Variants in TEKT5 observed in about 807,000 individuals in gnomAD.
TEKT5 encodes the protein tektin 5, also known as tektin-5.
Under a neutral mutation model 48.7 loss-of-function variants are expected in TEKT5, and 52 were observed. The observed-to-expected ratio is 1.07, with a 90% CI of 0.86 to 1.35. The LOEUF is 1.35. TEKT5 is among the 40% of genes most tolerant of loss of function. The probability of loss-of-function intolerance (pLI) is 0.00; values close to 1 mark genes in which losing one functional copy is unlikely to be tolerated. For missense variants in TEKT5, 831 were observed against 641.6 expected (o/e 1.30, Z -3.19); for synonymous variants, 318 against 267.6 (o/e 1.19, Z -1.84).
chr16:10,653,120 C>T (rs575943035), intron 5 of TEKT5, among the ~76,000 whole-genome samples: 1 of 152,308 alleles, frequency 6.6e-6, no homozygotes, highest in East Asian at 1.9e-4. Flanking sequence ...GGAAAAGAGG[C>T]TTCTGGGGCA....
At chr16:10,642,645 T>G (rs1898012227) in intron 5 of TEKT5, among the ~76,000 whole-genome samples, 2 of 152,184 alleles carry the variant, frequency 1.3e-5, no homozygotes, top group Admixed American at 1.3e-4. Context: ...TTCTTTTACT[T>G]AGCCTATTGT....
At chr16:10,677,236 G>T (rs1021402102) in intron 4 of TEKT5, among the ~76,000 whole-genome samples, 1 of 95,884 alleles carries the variant, frequency 1.0e-5, no homozygotes, top group African/African-American at 7.4e-5. Flanking sequence ...AAATGGAGTG[G>T]TGTCATTATG....
chr16:10,684,978 AG>A (rs1283107672), intron 3 of TEKT5, among the ~76,000 whole-genome samples: 4 of 152,182 alleles, frequency 2.6e-5, no homozygotes, highest in Non-Finnish European at 5.9e-5. Context: ...AGCTTCCCCA[AG>A]GGGGTGAGGA....
Position 10,676,139 on chromosome 16 carries a change from G to C in TEKT5, c.906C>G (p.Asn302Lys), listed in dbSNP as rs765488113. The C allele has an allele frequency of 1.9e-6, 3 of 1,614,240 alleles. No individual in the cohort carries two copies. The South Asian group carries it at 3.3e-5, about 18-fold the overall frequency. Residue 302 changes from asparagine to lysine, a missense_variant, in exon 5 of 7, where the codon AAC (asparagine) becomes AAG (lysine). Physicochemically the swap from Asn to Lys is moderately conservative, Grantham distance 94. Coordinates refer to ENST00000283025, the MANE Select transcript of TEKT5 (RefSeq NM_144674.2). ...CCCGCATGTTCTGAGAGTGTTTGAT[G>C]TTGTCGTTACTGAACTTGGCCCAGG... is the stretch of plus-strand genomic sequence containing the variant. ...PETWAKFSNDNIKHSQNMRAN... is the reference protein window; with the variant it reads ...PETWAKFSNDKIKHSQNMRAN...
chr16:10,669,969 C>T (rs1352209259), intron 5 of TEKT5, among the ~76,000 whole-genome samples: 7 of 152,228 alleles, frequency 4.6e-5, no homozygotes, highest in Middle Eastern at 6.8e-3. Context: ...GATGAGGCCC[C>T]GGGGCAAGCT....
At chr16:10,636,690 C>CGTGTGTGTGTGTGTGTGTGT (rs34623422) in intron 5 of TEKT5, among the ~76,000 whole-genome samples, 1 of 145,182 alleles carries the variant, frequency 6.9e-6, no homozygotes, top group Non-Finnish European at 1.5e-5. Flanking sequence ...TACATACATA[C>CGTGTGTGTGTGTGTGTGTGT]GTGTGTGTGT....
chr16:10,628,874 C>G (rs1019887958), intron 6 of TEKT5, among the ~76,000 whole-genome samples: 15 of 146,372 alleles, frequency 1.0e-4, no homozygotes, highest in African/African-American at 3.8e-4. Context: ...TCATTGCACT[C>G]CAGCCTGGGA....
chr16:10,658,672 AC>A (rs1898305575), intron 5 of TEKT5, among the ~76,000 whole-genome samples: 1 of 151,966 alleles, frequency 6.6e-6, no homozygotes, highest in African/African-American at 2.4e-5. Flanking sequence ...GGGTTTCCCA[AC>A]CTCATCACCT....
At chr16:10,665,583 G>C (rs1022447196) in intron 5 of TEKT5, among the ~76,000 whole-genome samples, 2 of 152,106 alleles carry the variant, frequency 1.3e-5, no homozygotes, top group African/African-American at 4.8e-5. Context: ...GATTCCAGCA[G>C]CTCCTCTCCC....
intron 5 of TEKT5, among the ~76,000 whole-genome samples, chr16:10,654,700 G>A (rs1421776463): frequency 6.6e-6 from 1 of 152,050 alleles, no homozygotes; most frequent in Non-Finnish European, 1.5e-5. Context: ...TAGACCTTAG[G>A]ACTGGAACTC....
At chr16:10,669,073 T>C (rs911913511) in intron 5 of TEKT5, among the ~76,000 whole-genome samples, 1 of 152,224 alleles carries the variant, frequency 6.6e-6, no homozygotes, top group Non-Finnish European at 1.5e-5. Flanking sequence ...TTTTACCAAA[T>C]ATTTTTTGAA....
At chr16:10,679,130 A>C (rs1445697329) in intron 4 of TEKT5, among the ~76,000 whole-genome samples, 1 of 152,192 alleles carries the variant, frequency 6.6e-6, no homozygotes, top group Non-Finnish European at 1.5e-5. Context: ...CTGAGTGTTT[A>C]AATGTGAAGT....
rs374823602 is a variant in TEKT5, at chr16:10,682,015, C to A, written c.841G>T (p.Gly281Cys). The A allele has an allele frequency of 2.5e-5, 40 of 1,614,028 alleles. No homozygotes were observed. In the South Asian group the frequency reaches 4.2e-4, roughly 17 times the overall value. ...NTSDCISFFH[G>C]MEKIDGTISV... ...TACGTGCCGTCAATTTTCTCCATGC[C>A]GTGGAAGAAGCTGATGCAGTCTGAC... The change falls in exon 4 of 7, where the codon GGC (glycine) becomes TGC (cysteine). Residue 281 changes from glycine (G) to cysteine (C), a missense_variant. Coordinates refer to ENST00000283025, the MANE Select transcript of TEKT5 (RefSeq NM_144674.2).
intron 5 of TEKT5, among the ~76,000 whole-genome samples, chr16:10,662,919 T>C (rs1395567353): frequency 6.6e-6 from 1 of 152,200 alleles, no homozygotes; most frequent in Non-Finnish European, 1.5e-5. Context: ...TAATATGTCT[T>C]TGTTACAGTA....
chr16:10,662,551 C>G (rs1208183116), intron 5 of TEKT5, among the ~76,000 whole-genome samples: 1 of 152,256 alleles, frequency 6.6e-6, no homozygotes, highest in Non-Finnish European at 1.5e-5. Context: ...TATAAAACTT[C>G]CTTCCAGCTC....
At chr16:10,668,669 A>G (rs1027210113) in intron 5 of TEKT5, among the ~76,000 whole-genome samples, 1 of 152,150 alleles carries the variant, frequency 6.6e-6, no homozygotes, top group Non-Finnish European at 1.5e-5. Flanking sequence ...TGATGCTAAC[A>G]ATGGCTGCTT....
At position 10,678,621 on chromosome 16, in the gene TEKT5, G is replaced by A. The variant is rs28420661; in HGVS notation, c.864-2440C>T. ...AGAGTGAAGCATCTTGTTCAAGGCCGCACAACAACGTCCCATCCCAGGACA... is the reference window on the plus strand; with the variant it reads ...AGAGTGAAGCATCTTGTTCAAGGCCACACAACAACGTCCCATCCCAGGACA... On this transcript the variant is annotated intron_variant, in intron 4 of 6. Coordinates refer to ENST00000283025, the MANE Select transcript of TEKT5 (RefSeq NM_144674.2). Among the ~76,000 whole-genome samples, 888 of 152,220 alleles carry A rather than the reference G, an allele frequency of 5.8e-3. 11 individuals carry two copies. Among genetic ancestry groups the A allele is most frequent in the African/African-American group, 0.021 (856 of 41,526 alleles).
intron 5 of TEKT5, among the ~76,000 whole-genome samples, chr16:10,664,492 C>G (rs1310387486): frequency 6.6e-6 from 1 of 152,214 alleles, no homozygotes; most frequent in Non-Finnish European, 1.5e-5. Flanking sequence ...AACCACTGGT[C>G]TGAAGACCTA....
At chr16:10,682,178 C>G in intron 3 of TEKT5, 42 bp from the exon 4 acceptor site, 2 of 1,599,094 alleles carry the variant, frequency 1.3e-6, no homozygotes, top group Non-Finnish European at 1.7e-6. Context: ...TGCACCTGCA[C>G]AGAGTACCCA....
Sources: gnomAD v4.1 joint callset for allele counts (sites outside exome capture counted in the v4.1 genomes callset) on GRCh38, gnomAD v4.1.1 for gene constraint, MANE v1.5 for transcripts, NCBI Gene and HGNC (gene_info 2026-07-23, HGNC 2026-07-21) for gene names.